Variants in PHF2 observed in about 807,000 individuals in gnomAD.
PHF2 encodes lysine-specific demethylase PHF2.
PHF2 carries 27 observed loss-of-function variants against 120.5 expected under a neutral mutation model. That is an observed-to-expected ratio of 0.22 (90% CI 0.17 to 0.31). The LOEUF is 0.31. Ranked by LOEUF, PHF2 falls within the 10% of genes least tolerant of loss-of-function variation. The pLI, the probability that PHF2 is intolerant of heterozygous loss-of-function variation, is 1.00. For missense variants in PHF2, 1,024 were observed against 1,434.8 expected, an observed-to-expected ratio of 0.71 and a Z score of 4.63; for synonymous variants, 568 against 592.5, an observed-to-expected ratio of 0.96 and a Z score of 0.60.
intron 1 of PHF2, among the ~76,000 whole-genome samples, chr9:93,592,320 C>T (rs1825242927): frequency 6.6e-6 from 1 of 152,204 alleles, no homozygotes; most frequent in Non-Finnish European, 1.5e-5. Context: ...CAGGCAGACA[C>T]AACACTCAGG....
rs933919477 is a variant in PHF2 at position 93,679,545 on chromosome 9, C to G, written c.*1869C>G. ...CCATGAGGTCTAAGGCAACTTAGAT[C>G]AAAGTTTTAAAAAAGTAAAAATATT... On this transcript the variant is annotated 3_prime_UTR_variant, in exon 22 of 22. Coordinates refer to ENST00000359246, the MANE Select transcript of PHF2 (RefSeq NM_005392.4). 1 of 226,670 alleles carries G rather than the reference C, an allele frequency of 4.4e-6. No individual in the cohort carries two copies. Among genetic ancestry groups the G allele is most frequent in the Non-Finnish European group, 8.9e-6 (1 of 112,672 alleles). 14.0% of individuals were successfully genotyped at this position (226,670 alleles called of 1,614,324 possible).
intron 20 of PHF2, among the ~76,000 whole-genome samples, 172 bp from the exon 21 acceptor site, chr9:93,676,422 G>A (rs371789316): frequency 5.3e-5 from 8 of 152,114 alleles, no homozygotes; most frequent in African/African-American, 1.2e-4. Context: ...GGGTGCTGGC[G>A]CCCTGTCCGT....
At position 93,660,230 on chromosome 9, in the gene PHF2, CG is replaced by C; in HGVS notation, c.1369del (p.Ala457ProfsTer41). Reference protein sequence around the residue: ...KAVRPEVNTVASSDEVCDGDR... With the variant: ...KAVRPEVNTVXSSDEVCDGDR... ...CCGTCCGACCGGAAGTGAATACTGT[CG>C]CCTCGTCAGATGAGGTGTGTGACGG... On this transcript the variant is annotated frameshift_variant, in exon 12 of 22. Coordinates refer to ENST00000359246, the MANE Select transcript of PHF2 (RefSeq NM_005392.4). LOFTEE classifies it high-confidence loss of function. 1 of 1,592,804 alleles carries C rather than the reference CG, an allele frequency of 6.3e-7. No homozygotes were observed. The highest frequency in any genetic ancestry group is 8.5e-7 in the Non-Finnish European group (1 of 1,172,788).
At chr9:93,615,271 G>T in intron 1 of PHF2, among the ~76,000 whole-genome samples, 1 of 150,814 alleles carries the variant, frequency 6.6e-6, no homozygotes, top group Non-Finnish European at 1.5e-5. Context: ...GATTGGTGAT[G>T]GTGATGATAG....
chr9:93,619,372 C>CGGCGTCCTGGGCT (rs1825786412), intron 1 of PHF2, among the ~76,000 whole-genome samples: 2 of 152,066 alleles, frequency 1.3e-5, no homozygotes, highest in Non-Finnish European at 2.9e-5. Flanking sequence ...GGGCCTGATT[C>CGGCGTCCTGGGCT]GGCGTCCTGG....
At chr9:93,653,398 G>A in intron 6 of PHF2, 33 bp downstream of exon 6, 1 of 1,604,686 alleles carries the variant, frequency 6.2e-7, no homozygotes, top group Non-Finnish European at 8.5e-7. Context: ...CCTCTGCCTT[G>A]CCATGGCCAT....
At chr9:93,594,377 CG>C in intron 1 of PHF2, among the ~76,000 whole-genome samples, 1 of 152,226 alleles carries the variant, frequency 6.6e-6, no homozygotes, top group Admixed American at 6.5e-5. Context: ...CATTCCAGGT[CG>C]GGGCGGCTCC....
intron 4 of PHF2, 41 bp from the exon 5 acceptor site, chr9:93,649,030 G>A (rs1021043478): frequency 6.5e-5 from 101 of 1,548,664 alleles, no homozygotes; most frequent in Non-Finnish European, 8.4e-5. Context: ...AGGCTGTGCC[G>A]CCTTCCCAGG....
intron 4 of PHF2, among the ~76,000 whole-genome samples, chr9:93,646,725 G>A (rs1466085977): frequency 6.6e-6 from 1 of 152,194 alleles, no homozygotes; most frequent in Non-Finnish European, 1.5e-5. Flanking sequence ...AGGGGGCTGG[G>A]GCCACAGCTT....
At chr9:93,675,982 G>A (rs549666784) in intron 20 of PHF2, among the ~76,000 whole-genome samples, 193 bp downstream of exon 20, 29 of 152,324 alleles carry the variant, frequency 1.9e-4, no homozygotes, top group Admixed American at 2.0e-4. Flanking sequence ...TGTGGGGTCC[G>A]GGGGAGCTAG....
chr9:93,579,792 C>T (rs1048586128), intron 1 of PHF2, among the ~76,000 whole-genome samples: 12 of 152,214 alleles, frequency 7.9e-5, no homozygotes, highest in African/African-American at 1.2e-4. Context: ...GCTACAGTCG[C>T]GGTGGCTGCG....
chr9:93,665,889 G>T (rs751182696), intron 15 of PHF2, 25 bp downstream of exon 15: 2 of 1,611,770 alleles, frequency 1.2e-6, no homozygotes, highest in East Asian at 4.5e-5. Flanking sequence ...GGTGTTGGGG[G>T]AGGGGTGTGG....
In PHF2 at chr9:93,656,032, C is replaced by T. The variant is rs745764537; in HGVS notation, c.1040+11C>T. On this transcript the variant is annotated intron_variant, in intron 8 of 21. Transcript: ENST00000359246. This position sits in a 1 kb window ranked among gnomAD's most constrained non-coding sequence, Gnocchi z 4.1. ...GGAGATGCAGATGAGGTAGTGCCTG[C>T]CGCGCTGTCTGCCCTCGGGCTCCGC... 3.1e-6 allele frequency: 5 copies of T among 1,608,140 alleles called. No individual in the cohort carries two copies. Among genetic ancestry groups the T allele is most frequent in the South Asian group, 1.1e-5 (1 of 90,100 alleles).
chr9:93,664,076 G>A (rs1409995446), intron 14 of PHF2, among the ~76,000 whole-genome samples: 1 of 152,208 alleles, frequency 6.6e-6, no homozygotes, highest in Non-Finnish European at 1.5e-5. Flanking sequence ...GAGGGAGGCC[G>A]TGGGACTCCA....
At chr9:93,673,498 GT>G in intron 17 of PHF2, 86 bp from the exon 18 acceptor site, 1 of 1,256,916 alleles carries the variant, frequency 8.0e-7, no homozygotes, top group Non-Finnish European at 1.1e-6. Flanking sequence ...TTGTGCAGGA[GT>G]TTGTGCAGGC....
In PHF2 at chr9:93,636,488, C is replaced by G; in HGVS notation, c.262C>G (p.Leu88Val). ...CAAGCCCGTGCAGAATGGCAGCCAGCTCTTCATCAAGGAGCTGCGGAGCCG... is the reference window on the plus strand; with the variant it reads ...CAAGCCCGTGCAGAATGGCAGCCAGGTCTTCATCAAGGAGCTGCGGAGCCG... Reference protein sequence around the residue: ...DVKPVQNGSQLFIKELRSRTF... With the variant: ...DVKPVQNGSQVFIKELRSRTF... Residue 88 changes from leucine (L) to valine (V), a missense_variant, in exon 3 of 22, where the codon CTC (leucine) becomes GTC (valine). Transcript: ENST00000359246. The G allele has an allele frequency of 6.2e-6, 10 of 1,605,660 alleles. No homozygotes were observed. Among genetic ancestry groups the G allele is most frequent in the Non-Finnish European group, 8.5e-6 (10 of 1,176,470 alleles).
At chr9:93,627,181 G>A (rs1825926690) in intron 1 of PHF2, among the ~76,000 whole-genome samples, 2 of 152,080 alleles carry the variant, frequency 1.3e-5, no homozygotes, top group African/African-American at 4.8e-5. Flanking sequence ...ACCTCTTTCA[G>A]CAGTATACAA....
chr9:93,663,381 C>A, intron 13 of PHF2, 136 bp from the exon 14 acceptor site: 1 of 687,650 alleles, frequency 1.5e-6, no homozygotes, highest in Non-Finnish European at 2.6e-6. Context: ...CGCAGTGGCC[C>A]GGGTGGCCAC....
intron 1 of PHF2, among the ~76,000 whole-genome samples, chr9:93,588,512 C>T (rs764589942): frequency 3.3e-5 from 5 of 152,142 alleles, no homozygotes; most frequent in African/African-American, 9.7e-5. Context: ...CTGAGAGGCC[C>T]GAGTCTGTGG....
Sources: gnomAD v4.1 joint callset for allele counts (sites outside exome capture counted in the v4.1 genomes callset) on GRCh38, gnomAD v4.1.1 for gene constraint, Gnocchi (gnomAD v3.1) non-coding constraint, MANE v1.5 for transcripts, NCBI Gene and HGNC (gene_info 2026-07-23, HGNC 2026-07-21) for gene names.